The following CLCN3 variants were observed in gnomAD, a reference collection of about 807,000 sequenced individuals.
CLCN3 encodes H(+)/Cl(-) exchange transporter 3.
Under a neutral mutation model 83.4 loss-of-function variants are expected in CLCN3, and 16 were observed. The ratio of observed to expected loss-of-function variants is 0.19; its 90% CI spans 0.13 to 0.29. The LOEUF is 0.29. CLCN3 is among the 10% of genes least tolerant of loss of function. The probability of loss-of-function intolerance (pLI) is 1.00; values close to 1 mark genes in which losing one functional copy is unlikely to be tolerated. For missense variants in CLCN3, 544 were observed against 1,006.0 expected (o/e 0.54, Z 6.21); for synonymous variants, 322 against 346.2 (o/e 0.93, Z 0.78).
rs1006509830 is a variant in CLCN3 at position 169,620,618 on chromosome 4, C to T, written c.-462C>T. The stretch of plus-strand genomic sequence containing the variant: ...GGGTCAGGGCCGGTCCGGTCCGGAA[C>T]CTGCAGCCCCTTTCCCAGTGTTCTA... On this transcript the variant is annotated 5_prime_UTR_variant, in exon 1 of 13. Transcript: ENST00000513761. The T allele has an allele frequency of 1.0e-5, 4 of 397,336 alleles. No homozygotes were observed. In the East Asian group the frequency reaches 1.1e-4, roughly 11 times the overall value. 24.6% of individuals were successfully genotyped at this position (397,336 alleles called of 1,614,324 possible).
intron 2 of CLCN3, among the ~76,000 whole-genome samples, chr4:169,657,013 G>T (rs1560838970): frequency 6.6e-6 from 1 of 152,066 alleles, no homozygotes; most frequent in Non-Finnish European, 1.5e-5. Context: ...ATATGGAGAA[G>T]AATATTGTGT....
intron 2 of CLCN3, among the ~76,000 whole-genome samples, chr4:169,655,776 A>AT (rs1486761455): frequency 1.3e-5 from 2 of 152,144 alleles, no homozygotes; most frequent in Non-Finnish European, 2.9e-5. Flanking sequence ...GAGTGCAGGG[A>AT]TTATAGGCAT....
Position 169,679,919 on chromosome 4 carries a change from G to A in CLCN3, c.161-131G>A, listed in dbSNP as rs1226771509. ...GAGGGAGAGGGGGAGACCGTGGAAA[G>A]CGGGAGGTGGAGACGAGGGAGAGGG... On this transcript the variant is annotated intron_variant, in intron 2 of 12. Transcript: ENST00000513761. 6.0e-6 allele frequency: 4 copies of A among 672,198 alleles called. No homozygotes were observed. The African/African-American group carries it at 7.5e-5, about 13-fold the overall frequency. The allele number at this position is 672,198 out of a possible 1,614,324, so 41.6% of individuals were successfully genotyped here.
intron 12 of CLCN3, 45 bp downstream of exon 12, chr4:169,713,340 G>C: frequency 6.9e-7 from 1 of 1,459,326 alleles, no homozygotes. Context: ...TAGAATATAG[G>C]ATCCTTTTTA....
At chr4:169,625,411 T>C (rs533868846) in intron 1 of CLCN3, among the ~76,000 whole-genome samples, 2 of 152,296 alleles carry the variant, frequency 1.3e-5, no homozygotes, top group East Asian at 3.9e-4. Context: ...AAAATTAGTG[T>C]GCATATCTCA....
chr4:169,657,443 A>G (rs1303147033), intron 2 of CLCN3, among the ~76,000 whole-genome samples: 2 of 151,926 alleles, frequency 1.3e-5, no homozygotes, highest in Admixed American at 6.6e-5. Context: ...CTGCTCCTGT[A>G]TTTTCTATAA....
intron 11 of CLCN3, among the ~76,000 whole-genome samples, chr4:169,709,291 C>T (rs144873509): frequency 1.3e-5 from 2 of 151,660 alleles, no homozygotes; most frequent in African/African-American, 2.4e-5. Context: ...GATAGATTCT[C>T]CTGTTTCATA....
At chr4:169,701,455 T>C (rs970707162) in intron 9 of CLCN3, among the ~76,000 whole-genome samples, 23 of 152,298 alleles carry the variant, frequency 1.5e-4, no homozygotes, top group African/African-American at 5.5e-4. Context: ...TATTTTGACC[T>C]CCTCCCATGA....
In CLCN3 at chr4:169,720,583, T is replaced by C. The variant is rs1365998340; in HGVS notation, c.*586T>C. On this transcript the variant is annotated 3_prime_UTR_variant, in exon 13 of 13. Coordinates refer to ENST00000513761, the MANE Select transcript of CLCN3 (RefSeq NM_001829.4). Reference sequence around the variant, plus strand: ...CTACTGAGCTGTAACAAAGCCTCTTTAAATCGGTGTATCCTTTTGAAGCAG... The same window carrying C: ...CTACTGAGCTGTAACAAAGCCTCTTCAAATCGGTGTATCCTTTTGAAGCAG... The C allele has an allele frequency of 1.3e-5, 2 of 151,064 alleles. No individual in the cohort carries two copies. Among genetic ancestry groups the C allele is most frequent in the South Asian group, 2.2e-4 (1 of 4,494 alleles). 9.4% of individuals were successfully genotyped at this position (151,064 alleles called of 1,614,324 possible).
chr4:169,699,177 G>C (rs190622093), intron 9 of CLCN3, among the ~76,000 whole-genome samples: 1 of 152,126 alleles, frequency 6.6e-6, no homozygotes, highest in Non-Finnish European at 1.5e-5. Flanking sequence ...CCAGTATAGG[G>C]TATTAGCTTG....
chr4:169,705,951 A>G (rs969247565), intron 10 of CLCN3, among the ~76,000 whole-genome samples: 33 of 151,932 alleles, frequency 2.2e-4, no homozygotes, highest in African/African-American at 7.7e-4. Context: ...GGATCATGGG[A>G]GTCCAGGAGT....
At chr4:169,700,704 A>G (rs1386415261) in intron 9 of CLCN3, among the ~76,000 whole-genome samples, 8 of 152,218 alleles carry the variant, frequency 5.3e-5, no homozygotes, top group Non-Finnish European at 1.0e-4. Context: ...GGTTCAGTTC[A>G]GAGCACCACA....
chr4:169,646,865 A>G (rs1318852203), intron 2 of CLCN3, among the ~76,000 whole-genome samples: 26 of 152,202 alleles, frequency 1.7e-4, no homozygotes, highest in Non-Finnish European at 4.4e-5. Flanking sequence ...CTAAAAAATG[A>G]AGGGAAACAT....
chr4:169,685,383 T>G (rs1477724852), intron 3 of CLCN3, among the ~76,000 whole-genome samples: 1 of 152,240 alleles, frequency 6.6e-6, no homozygotes, highest in East Asian at 1.9e-4. Flanking sequence ...CAACCCATTG[T>G]CTTCTTCCCC....
At chr4:169,638,546 T>C (rs986728087) in intron 2 of CLCN3, among the ~76,000 whole-genome samples, 2 of 152,212 alleles carry the variant, frequency 1.3e-5, no homozygotes, top group Non-Finnish European at 2.9e-5. Context: ...ATATTCATAA[T>C]TTGAAACAGG....
intron 2 of CLCN3, among the ~76,000 whole-genome samples, chr4:169,667,901 A>G (rs1192161380): frequency 1.3e-5 from 2 of 151,540 alleles, no homozygotes; most frequent in African/African-American, 2.4e-5. Flanking sequence ...ATATGCCACT[A>G]TGCCCGCCTG....
At chr4:169,631,402 C>T (rs553666381) in intron 1 of CLCN3, among the ~76,000 whole-genome samples, 26 of 152,188 alleles carry the variant, frequency 1.7e-4, no homozygotes, top group African/African-American at 5.5e-4. Context: ...TTCTCCTGCC[C>T]CAGCCTCCGG....
Position 169,636,003 on chromosome 4 carries a change from TGAG to T in CLCN3, c.78_80del (p.Glu27del). The T allele has an allele frequency of 6.2e-7, 1 of 1,613,544 alleles. No homozygotes were observed. Reference sequence around the variant, plus strand: ...ACAGTATAACAAGTGCAAGTAGTGATGAGGAACTTTTAGATGGAGCAGGTGTTA... The same window carrying T: ...ACAGTATAACAAGTGCAAGTAGTGATGAACTTTTAGATGGAGCAGGTGTTA... On this transcript the variant is annotated inframe_deletion, in exon 2 of 13. Coordinates refer to ENST00000513761, the MANE Select transcript of CLCN3 (RefSeq NM_001829.4).
At position 169,721,170 on chromosome 4, in the gene CLCN3, A is replaced by T. The variant is rs1733627213; in HGVS notation, c.*1173A>T. ...TGTATATTTTTTTTCTTAAAAATTT[A>T]CCATTCTTATTTATATTTTTATGGA... On this transcript the variant is annotated 3_prime_UTR_variant, in exon 13 of 13. Coordinates refer to ENST00000513761, the MANE Select transcript of CLCN3 (RefSeq NM_001829.4). The T allele has an allele frequency of 6.6e-6, 1 of 152,216 alleles. No individual in the cohort carries two copies. The highest frequency in any genetic ancestry group is 2.4e-5 in the African/African-American group (1 of 41,452). The allele number at this position is 152,216 out of a possible 1,614,324, so 9.4% of individuals were successfully genotyped here.
Sources: allele counts gnomAD v4.1 joint callset (sites outside exome capture counted in the v4.1 genomes callset), GRCh38; gene constraint gnomAD v4.1.1; transcripts MANE v1.5; gene names NCBI Gene and HGNC (gene_info 2026-07-23, HGNC 2026-07-21).